The following RBFOX1 variants were observed in gnomAD, a reference collection of about 807,000 sequenced individuals.
RBFOX1 encodes RNA binding protein fox-1 homolog 1.
A neutral mutation model predicts 57.7 loss-of-function variants in RBFOX1; 8 were observed. The observed-to-expected ratio is 0.14, with a 90% CI of 0.08 to 0.25. The LOEUF is 0.25. Ranked by LOEUF, RBFOX1 falls within the 10% of genes least tolerant of loss-of-function variation. RBFOX1 has a pLI of 1.00. For missense variants in RBFOX1, 611 were observed against 548.5 expected, an observed-to-expected ratio of 1.11 and a Z score of -1.14; for synonymous variants, 326 against 222.4, an observed-to-expected ratio of 1.47 and a Z score of -4.15.
chr16:6,860,948 G>A (rs1239260244), intron 3 of RBFOX1, among the ~76,000 whole-genome samples: 1 of 152,012 alleles, frequency 6.6e-6, no homozygotes, highest in Non-Finnish European at 1.5e-5. Flanking sequence ...TTCTCTTGGG[G>A]TCTATGCATA....
intron 1 of RBFOX1, among the ~76,000 whole-genome samples, chr16:5,394,739 G>T (rs949265560): frequency 6.6e-6 from 1 of 151,940 alleles, no homozygotes; most frequent in Admixed American, 6.6e-5. Context: ...TGTAGAAATG[G>T]GGTCTCACCA....
chr16:6,676,920 C>T (rs768749946), intron 3 of RBFOX1, among the ~76,000 whole-genome samples: 1 of 152,004 alleles, frequency 6.6e-6, no homozygotes, highest in Non-Finnish European at 1.5e-5. Context: ...AGGTGATCTG[C>T]CCACCTCGGC....
intron 4 of RBFOX1, among the ~76,000 whole-genome samples, chr16:5,941,008 T>A (rs1344681233): frequency 6.6e-6 from 1 of 152,182 alleles, no homozygotes; most frequent in Non-Finnish European, 1.5e-5. Context: ...GTAGAAGGAA[T>A]AACATACTTA....
intron 3 of RBFOX1, among the ~76,000 whole-genome samples, chr16:5,848,084 A>G (rs1198075585): frequency 6.6e-6 from 1 of 152,132 alleles, no homozygotes; most frequent in East Asian, 1.9e-4. Flanking sequence ...GCTCTGGCCA[A>G]CCCAGAGATT....
chr16:5,454,533 G>A (rs2068520683), intron 1 of RBFOX1, among the ~76,000 whole-genome samples: 1 of 152,192 alleles, frequency 6.6e-6, no homozygotes, highest in Non-Finnish European at 1.5e-5. Flanking sequence ...TGGGTGGGCT[G>A]TATCCAATCA....
intron 2 of RBFOX1, among the ~76,000 whole-genome samples, chr16:6,391,076 C>G (rs1442260250): frequency 1.3e-5 from 2 of 152,128 alleles, no homozygotes; most frequent in Non-Finnish European, 2.9e-5. Context: ...AAAAATGTCT[C>G]CAGACATTTG....
intron 4 of RBFOX1, among the ~76,000 whole-genome samples, chr16:7,349,453 A>C (rs1211525415): frequency 6.6e-6 from 1 of 152,218 alleles, no homozygotes; most frequent in Non-Finnish European, 1.5e-5. Flanking sequence ...GAAGTCATGG[A>C]TCGGGCTTGC....
chr16:6,670,036 T>C (rs1477029293), intron 3 of RBFOX1, among the ~76,000 whole-genome samples: 2 of 152,182 alleles, frequency 1.3e-5, no homozygotes, highest in East Asian at 3.9e-4. Flanking sequence ...TATCTCTATA[T>C]ATTGAGACAG....
At chr16:6,845,340 T>G (rs1252835736) in intron 3 of RBFOX1, among the ~76,000 whole-genome samples, 1 of 151,982 alleles carries the variant, frequency 6.6e-6, no homozygotes, top group Non-Finnish European at 1.5e-5. Context: ...TTAATCTTTC[T>G]TGAGTTAATT....
At chr16:7,621,849 C>G (rs1039297243) in intron 10 of RBFOX1, among the ~76,000 whole-genome samples, 2 of 152,136 alleles carry the variant, frequency 1.3e-5, no homozygotes, top group Non-Finnish European at 2.9e-5. Flanking sequence ...AACACTTTAG[C>G]CTCTGCAGGC....
At chr16:7,477,601 C>T (rs2063009798) in intron 4 of RBFOX1, among the ~76,000 whole-genome samples, 1 of 152,254 alleles carries the variant, frequency 6.6e-6, no homozygotes, top group Non-Finnish European at 1.5e-5. Flanking sequence ...GCCTGAGTTT[C>T]GTGTTCCTGG....
At chr16:6,885,116 G>A (rs1019395509) in intron 3 of RBFOX1, among the ~76,000 whole-genome samples, 3 of 152,066 alleles carry the variant, frequency 2.0e-5, no homozygotes, top group African/African-American at 4.8e-5. Context: ...TGACTGAAAC[G>A]GAAGGAGGAA....
At chr16:7,662,656 T>C (rs1207608977) in intron 12 of RBFOX1, among the ~76,000 whole-genome samples, 1 of 152,228 alleles carries the variant, frequency 6.6e-6, no homozygotes, top group Admixed American at 6.5e-5. Flanking sequence ...CGAGTGGCTC[T>C]GATAAGAGTC....
At chr16:6,968,795 C>T (rs35665891) in intron 3 of RBFOX1, among the ~76,000 whole-genome samples, 67,677 of 151,626 alleles carry the variant, frequency 0.45, 17,420 homozygotes, top group Non-Finnish European at 0.58. Context: ...TTCATTAGCT[C>T]AGAATGTATT....
rs555339533 is a variant in RBFOX1, at chr16:7,161,476, A to G, written c.27+109378A>G. Among the ~76,000 whole-genome samples, 5 of 152,296 alleles carry G rather than the reference A, an allele frequency of 3.3e-5. No individual in the cohort carries two copies. The East Asian group carries it at 9.7e-4, about 29-fold the overall frequency. ...ACTCTTCTAGTCATTATTGCCTGTA[A>G]TTCTTTCTTCACTCTTAGGGGTTAG... On this transcript the variant is annotated intron_variant, in intron 4 of 15. Transcript: ENST00000550418.
intron 4 of RBFOX1, among the ~76,000 whole-genome samples, chr16:7,239,822 A>G (rs1255413746): frequency 6.6e-6 from 1 of 152,188 alleles, no homozygotes; most frequent in Non-Finnish European, 1.5e-5. Flanking sequence ...AACAAATATC[A>G]TTTATATTCA....
chr16:5,530,000 C>T (rs182301248), intron 2 of RBFOX1, among the ~76,000 whole-genome samples: 10 of 152,240 alleles, frequency 6.6e-5, no homozygotes, highest in Admixed American at 2.0e-4. Context: ...ACAGATTCTT[C>T]CTCACAGCCC....
At chr16:5,557,014 C>T (rs1440920162) in intron 2 of RBFOX1, among the ~76,000 whole-genome samples, 1 of 152,256 alleles carries the variant, frequency 6.6e-6, no homozygotes, top group Middle Eastern at 3.4e-3. Context: ...AATCCCAGCA[C>T]TTTGGGAGGC....
chr16:7,310,385 C>T (rs1015056971), intron 4 of RBFOX1, among the ~76,000 whole-genome samples: 3 of 151,972 alleles, frequency 2.0e-5, no homozygotes, highest in East Asian at 1.9e-4. Flanking sequence ...GGATTGATCC[C>T]GGCTAAAAAA....
Sources: gnomAD v4.1 joint callset for allele counts (sites outside exome capture counted in the v4.1 genomes callset) on GRCh38, gnomAD v4.1.1 for gene constraint, MANE v1.5 for transcripts, NCBI Gene and HGNC (gene_info 2026-07-23, HGNC 2026-07-21) for gene names.